Variants in LIG1 observed in about 807,000 individuals in gnomAD.
LIG1 encodes ligase I, DNA, ATP-dependent.
Under a neutral mutation model 115.7 loss-of-function variants are expected in LIG1, and 70 were observed. The observed-to-expected ratio is 0.60, with a 90% confidence interval of 0.50 to 0.74. The LOEUF (loss-of-function observed/expected upper bound fraction) is 0.74, where lower values mean the gene tolerates loss of function less well. Ranked by LOEUF, LIG1 falls within the 30% of genes least tolerant of loss-of-function variation. LIG1 has a pLI of 0.00. For synonymous variants in LIG1, 487 were observed against 495.3 expected (o/e 0.98, Z 0.22); for missense variants, 1,115 against 1,225.6 (o/e 0.91, Z 1.35).
chr19:48,165,879 G>A (rs1001626983), intron 1 of LIG1: 1 of 470,706 alleles, frequency 2.1e-6, no homozygotes, highest in Non-Finnish European at 3.8e-6. Flanking sequence ...CTAATATGAG[G>A]AATAGACTGA....
Position 48,137,039 on chromosome 19 carries a change from A to G in LIG1, c.1300T>C (p.Cys434Arg). The change falls in exon 14 of 28, where the codon TGC (cysteine) becomes CGC (arginine). Residue 434 changes from cysteine (C) to arginine (R), a missense_variant. Coordinates refer to ENST00000263274, the MANE Select transcript of LIG1 (RefSeq NM_000234.3). This position sits in a 1 kb window ranked among gnomAD's most constrained non-coding sequence, Gnocchi z 4.3. ...IDIIKGLFVA[C>R]RHSEARFIAR... ...ATGAACCGGGCTTCTGAGTGGCGGC[A>G]GGCCACAAAGAGGCCTTTGATGATG... 6.2e-7 allele frequency: 1 copy of G among 1,612,324 alleles called. No individual in the cohort carries two copies. Among genetic ancestry groups the G allele is most frequent in the Non-Finnish European group, 8.5e-7 (1 of 1,179,526 alleles).
intron 19 of LIG1, among the ~76,000 whole-genome samples, chr19:48,130,549 G>A (rs975168870): frequency 6.6e-6 from 1 of 152,120 alleles, no homozygotes; most frequent in Non-Finnish European, 1.5e-5. Context: ...TCCTCCCCGC[G>A]TTCCTGGCTG....
intron 4 of LIG1, 100 bp from the exon 5 acceptor site, chr19:48,157,240 T>G: frequency 7.5e-7 from 1 of 1,342,232 alleles, no homozygotes; most frequent in South Asian, 1.5e-5. Context: ...CTGTCTACCC[T>G]CCTTTCTGAC....
rs372595234 is a variant in LIG1, at chr19:48,168,520, C to G, written c.-58+1721G>C. On this transcript the variant is annotated intron_variant, in intron 1 of 27. Transcript: ENST00000263274. ...GGACCACCTGGCGTCTCTATCGGAA[C>G]GGCAACCCCACTTCTGTGTATTTGG... Among the ~76,000 whole-genome samples the G allele has an allele frequency of 9.9e-5, 15 of 152,250 alleles. No homozygotes were observed. The East Asian group carries it at 2.9e-3, about 29-fold the overall frequency.
intron 11 of LIG1, among the ~76,000 whole-genome samples, chr19:48,140,521 C>G (rs1162244108): frequency 6.6e-6 from 1 of 152,124 alleles, no homozygotes; most frequent in African/African-American, 2.4e-5. Flanking sequence ...TGGAAAAGAC[C>G]CCTTTTTGCC....
chr19:48,144,266 G>A (rs1436319800), intron 9 of LIG1, among the ~76,000 whole-genome samples: 1 of 152,164 alleles, frequency 6.6e-6, no homozygotes, highest in Non-Finnish European at 1.5e-5. Flanking sequence ...AGGGAAGGCC[G>A]GAGACATCTG....
intron 10 of LIG1, 133 bp from the exon 11 acceptor site, chr19:48,143,732 G>A: frequency 9.4e-7 from 1 of 1,060,578 alleles, no homozygotes; most frequent in Non-Finnish European, 1.5e-6. Flanking sequence ...ACTTCCCAGG[G>A]CTGTCTCTCT....
intron 2 of LIG1, 60 bp from the exon 3 acceptor site, chr19:48,162,411 C>T: frequency 9.0e-7 from 1 of 1,106,312 alleles, no homozygotes; most frequent in Non-Finnish European, 1.4e-6. Context: ...CCCTGCCTAT[C>T]TATGCTGTAT....
chr19:48,131,238 T>C, intron 18 of LIG1, 67 bp from the exon 19 acceptor site: 3 of 1,137,628 alleles, frequency 2.6e-6, no homozygotes, highest in Non-Finnish European at 4.0e-6. Context: ...CTTTCTCTTC[T>C]GACCCCACCT....
Position 48,119,196 on chromosome 19 carries a change from G to T in LIG1, c.2386-6C>A. The T allele has an allele frequency of 6.3e-7, 1 of 1,579,392 alleles. No homozygotes were observed. On this transcript the variant is annotated splice_polypyrimidine_tract_variant and splice_region_variant and intron_variant, in intron 24 of 27. Transcript: ENST00000263274. ...TCACTGAAGCCAGTTCCAAGCTGCAGGGAGGAAGCGGGAGGTCAGAGGCTC... is the reference window on the plus strand; with the variant it reads ...TCACTGAAGCCAGTTCCAAGCTGCATGGAGGAAGCGGGAGGTCAGAGGCTC...
chr19:48,121,111 C>T (rs930309001), intron 24 of LIG1, 59 bp downstream of exon 24: 1 of 1,613,304 alleles, frequency 6.2e-7, no homozygotes. Context: ...TAGGAAATAC[C>T]CCCGGGAGTC....
At chr19:48,153,093 G>A (rs181078788) in intron 6 of LIG1, among the ~76,000 whole-genome samples, 1 of 151,064 alleles carries the variant, frequency 6.6e-6, no homozygotes, top group East Asian at 1.9e-4. Context: ...TACTCGGGAA[G>A]CTGAGGTGGG....
At chr19:48,125,920 GGAGGTTGCAGTGAGCT>G (rs2033635745) in intron 21 of LIG1, among the ~76,000 whole-genome samples, 1 of 150,698 alleles carries the variant, frequency 6.6e-6, no homozygotes, top group African/African-American at 2.4e-5. Context: ...CCCAGGAGGC[GGAGGTTGCAGTGAGCT>G]GAGATCATGC....
rs571123414 is a variant in LIG1, at chr19:48,121,211, A to C, written c.2344T>G (p.Ser782Ala). Reference protein sequence around the residue: ...AGRYGGFLLASYDEDSEELQA... With the variant: ...AGRYGGFLLAAYDEDSEELQA... ...AGCTCCTCACTGTCCTCGTCGTAGG[A>C]GGCCAGCAGGAAGCCCCCGTACCGG... Residue 782 changes from serine to alanine, a missense_variant, in exon 24 of 28, where the codon TCC becomes GCC. Coordinates refer to ENST00000263274, the MANE Select transcript of LIG1 (RefSeq NM_000234.3). The C allele has an allele frequency of 2.0e-4, 321 of 1,613,968 alleles. No homozygotes were observed. Among genetic ancestry groups the C allele is most frequent in the Non-Finnish European group, 2.6e-4 (312 of 1,180,016 alleles).
At chr19:48,121,651 A>G (rs565791100) in intron 23 of LIG1, among the ~76,000 whole-genome samples, 39 of 152,122 alleles carry the variant, frequency 2.6e-4, no homozygotes, top group African/African-American at 7.0e-4. Flanking sequence ...AAAATACAAA[A>G]TTAGCCGGGC....
chr19:48,132,790 C>CAAAAAAAAAAAAAAAAAA (rs71181649), intron 18 of LIG1, among the ~76,000 whole-genome samples, 192 bp downstream of exon 18: 2 of 48,258 alleles, frequency 4.1e-5, no homozygotes, highest in African/African-American at 1.1e-4. Flanking sequence ...GACTCTGTCT[C>CAAAAAAAAAAAAAAAAAA]AAAAAAAAAA....
Position 48,165,647 on chromosome 19 carries a change from G to C in LIG1, c.-57-24C>G, listed in dbSNP as rs540544715. On this transcript the variant is annotated intron_variant, in intron 1 of 27. Coordinates refer to ENST00000263274, the MANE Select transcript of LIG1 (RefSeq NM_000234.3). ...TCCTGGAACAGAAATCCAAACACTT[G>C]TTGAGGTGATTGGTTGTGCAGAGAT... 3.3e-5 allele frequency: 52 copies of C among 1,577,466 alleles called. No individual in the cohort carries two copies. The African/African-American group carries it at 6.9e-4, about 21-fold the overall frequency.
chr19:48,140,010 C>T lies in LIG1; in HGVS notation c.1048G>A (p.Gly350Ser). The change falls in exon 12 of 28, where the codon GGT becomes AGT. Residue 350 changes from glycine (G) to serine (S), a missense_variant. By Grantham distance (56) the Gly-to-Ser change is moderately conservative. Coordinates refer to ENST00000263274, the MANE Select transcript of LIG1 (RefSeq NM_000234.3). ...PPQQGLELGVGDGVLLKAVAQ... is the reference protein window; with the variant it reads ...PPQQGLELGVSDGVLLKAVAQ... ...ACTGCCTTGAGAAGGACACCATCAC[C>T]CACGCCAAGCTCCAGGCCCTGCTGG... The T allele has an allele frequency of 1.2e-6, 2 of 1,614,120 alleles. No homozygotes were observed. Among genetic ancestry groups the T allele is most frequent in the South Asian group, 1.1e-5 (1 of 91,084 alleles).
Position 48,161,372 on chromosome 19 carries a change from C to G in LIG1, c.243G>C (p.Gln81His). Residue 81 changes from glutamine to histidine, a missense_variant and splice_region_variant, in exon 4 of 28, where the codon CAG (glutamine) becomes CAC (histidine). Gln to His is a conservative substitution (Grantham distance 24). Coordinates refer to ENST00000263274, the MANE Select transcript of LIG1 (RefSeq NM_000234.3). ...AATGGGCAGGGTGATGGGGACCTAC[C>G]TGGCCTTTAGCAGGGCTAAGGGCTT... is the stretch of plus-strand genomic sequence containing the variant. The part of the protein sequence containing the change: ...EDEALSPAKG[Q>H]KPALDCSQVS... 2 of 1,614,182 alleles carry G rather than the reference C, an allele frequency of 1.2e-6. No individual in the cohort carries two copies. The highest frequency in any genetic ancestry group is 1.7e-5 in the Admixed American group (1 of 60,024).
Sources: allele counts gnomAD v4.1 joint callset (sites outside exome capture counted in the v4.1 genomes callset), GRCh38; gene constraint gnomAD v4.1.1; non-coding constraint Gnocchi (gnomAD v3.1); transcripts MANE v1.5; gene names NCBI Gene and HGNC (gene_info 2026-07-23, HGNC 2026-07-21).